ILKAP: variants seen among roughly 807,000 people sequenced by gnomAD.
ILKAP encodes ILK associated serine/threonine phosphatase, also known as integrin-linked kinase-associated serine/threonine phosphatase 2C.
ILKAP carries 11 observed loss-of-function variants against 49.1 expected under a neutral mutation model. The ratio of observed to expected loss-of-function variants is 0.22; its 90% CI spans 0.14 to 0.37. The LOEUF (loss-of-function observed/expected upper bound fraction) is 0.37. Among genes scored for constraint, ILKAP ranks in the 10% least tolerant of loss-of-function variants. The pLI, the probability that ILKAP is intolerant of heterozygous loss-of-function variation, is 1.00. For missense variants in ILKAP, 363 were observed against 510.8 expected (o/e 0.71, Z 2.79); for synonymous variants, 186 against 192.8 (o/e 0.96, Z 0.29).
Position 238,170,702 on chromosome 2 carries a change from G to A in ILKAP, c.1039-26C>T, listed in dbSNP as rs1026143713. On this transcript the variant is annotated intron_variant, in intron 11 of 11. Transcript: ENST00000254654. ...CTACCAGATGAGAAAGGGAATGAGT[G>A]AATGGAGTGACCCCGCACCCTGTCA... 5.0e-6 allele frequency: 8 copies of A among 1,595,258 alleles called. No individual in the cohort carries two copies. The Admixed American group carries it at 6.8e-5, about 13-fold the overall frequency.
chr2:238,194,289 C>T lies in ILKAP; in HGVS notation c.164G>A (p.Ser55Asn). 6.2e-7 allele frequency: 1 copy of T among 1,614,060 alleles called. No individual in the cohort carries two copies. The highest frequency in any genetic ancestry group is 8.5e-7 in the Non-Finnish European group (1 of 1,179,968). ...CTACCACTTACCTGAATCGCCACTG[C>T]TAGCGGGTGGGAGATCATCAAAAAG... Reference protein sequence around the residue: ...PLLFDDLPPASSGDSGSLATS... With the variant: ...PLLFDDLPPANSGDSGSLATS... Residue 55 changes from serine to asparagine, a missense_variant, in exon 3 of 12, where the codon AGC becomes AAC. Ser to Asn is a conservative substitution (Grantham distance 46). This residue lies in a region of ILKAP where 114 missense variants were observed against 116.0 expected (regional missense o/e 0.98). Transcript: ENST00000254654.
At chr2:238,188,468 G>GGTT (rs1693993656) in intron 4 of ILKAP, 2 of 514,670 alleles carry the variant, frequency 3.9e-6, no homozygotes, top group East Asian at 6.8e-5. Flanking sequence ...AGCTCTAAGA[G>GGTT]GTTGCACAGG....
chr2:238,177,793 T>A (rs933001580), intron 9 of ILKAP, among the ~76,000 whole-genome samples: 2 of 152,216 alleles, frequency 1.3e-5, no homozygotes, highest in Non-Finnish European at 2.9e-5. Context: ...GGTATGCAAA[T>A]ATCTGTTCGT....
intron 11 of ILKAP, 122 bp downstream of exon 11, chr2:238,170,821 C>A: frequency 6.8e-7 from 1 of 1,460,344 alleles, no homozygotes; most frequent in East Asian, 2.3e-5. Context: ...AGGCAGAGTT[C>A]ACACTGAAAA....
chr2:238,183,697 C>A lies in ILKAP; in HGVS notation c.670G>T (p.Ala224Ser). 6.2e-7 allele frequency: 1 copy of A among 1,613,396 alleles called. No individual in the cohort carries two copies. The highest frequency in any genetic ancestry group is 8.5e-7 in the Non-Finnish European group (1 of 1,179,864). ...KDGSTATCVL[A>S]VDNILYIANL... is the part of the protein sequence containing the mutation. ...GCAATATAAAGAATGTTGTCTACAGCCAGAACACACGTGGCAGTGGACCCA... is the reference window on the plus strand; with the variant it reads ...GCAATATAAAGAATGTTGTCTACAGACAGAACACACGTGGCAGTGGACCCA... Residue 224 changes from alanine to serine, a missense_variant, in exon 8 of 12, where the codon GCT (alanine) becomes TCT (serine). Around this residue, in one of 3 missense-constraint regions of ILKAP, gnomAD observed 166 missense variants for 307.3 expected, o/e 0.54. Coordinates refer to ENST00000254654, the MANE Select transcript of ILKAP (RefSeq NM_030768.3).
In ILKAP at chr2:238,203,664, G is replaced by A. The variant is rs1193051974; in HGVS notation, c.-111C>T. 21 of 516,970 alleles carry A rather than the reference G, an allele frequency of 4.1e-5. No individual in the cohort carries two copies. The highest frequency in any genetic ancestry group is 2.7e-4 in the African/African-American group (13 of 48,134). The allele number at this position is 516,970 out of a possible 1,614,324, so 32.0% of individuals were successfully genotyped here. ...CAGCGGGCGGGCGACGGGCAGGGGC[G>A]GCCGGCGCCGTCAGTCACCTGCAGG... On this transcript the variant is annotated 5_prime_UTR_variant, in exon 1 of 12. Coordinates refer to ENST00000254654, the MANE Select transcript of ILKAP (RefSeq NM_030768.3).
chr2:238,177,643 G>T (rs554085162), intron 9 of ILKAP, among the ~76,000 whole-genome samples: 24 of 152,036 alleles, frequency 1.6e-4, no homozygotes, highest in Non-Finnish European at 2.5e-4. Flanking sequence ...TTGTAGCATG[G>T]GTCAGAATTT....
intron 3 of ILKAP, among the ~76,000 whole-genome samples, chr2:238,191,574 G>T (rs569785405): frequency 6.6e-6 from 1 of 152,278 alleles, no homozygotes; most frequent in African/African-American, 2.4e-5. Context: ...ATGGGTTCCA[G>T]TTTTCCCCAT....
intron 9 of ILKAP, among the ~76,000 whole-genome samples, chr2:238,180,952 A>G (rs548330862): frequency 6.6e-6 from 1 of 152,392 alleles, no homozygotes; most frequent in South Asian, 2.1e-4. Flanking sequence ...AGTAGTTACC[A>G]GGACAGTAGT....
At chr2:238,172,967 GGT>G (rs1423490601) in intron 10 of ILKAP, among the ~76,000 whole-genome samples, 4 of 152,170 alleles carry the variant, frequency 2.6e-5, no homozygotes, top group African/African-American at 9.7e-5. Flanking sequence ...CAGCCAGCAC[GGT>G]GCCGTACCCT....
intron 10 of ILKAP, among the ~76,000 whole-genome samples, chr2:238,172,682 G>A (rs1693277641): frequency 1.3e-5 from 2 of 152,232 alleles, no homozygotes; most frequent in Admixed American, 6.5e-5. Context: ...AAGCAGGCGA[G>A]TGCCAAAGCA....
intron 3 of ILKAP, among the ~76,000 whole-genome samples, chr2:238,190,684 T>A (rs1323612509): frequency 6.6e-6 from 1 of 152,002 alleles, no homozygotes; most frequent in Non-Finnish European, 1.5e-5. Context: ...AACACATCAA[T>A]CTCCAATAAG....
chr2:238,189,004 G>A (rs956825225), intron 4 of ILKAP, among the ~76,000 whole-genome samples: 17 of 152,204 alleles, frequency 1.1e-4, no homozygotes, highest in Admixed American at 3.3e-4. Context: ...CTGTGACAAA[G>A]GACAATGCAG....
intron 10 of ILKAP, among the ~76,000 whole-genome samples, chr2:238,172,374 T>A (rs1693260642): frequency 6.6e-6 from 1 of 152,190 alleles, no homozygotes; most frequent in Non-Finnish European, 1.5e-5. Flanking sequence ...TTAACTAGGC[T>A]TTCACTCGGC....
chr2:238,173,898 C>G (rs1193404807), intron 9 of ILKAP: 2 of 510,646 alleles, frequency 3.9e-6, no homozygotes, highest in African/African-American at 3.9e-5. Flanking sequence ...CCAGTGGCTG[C>G]CAAGCAGTGC....
chr2:238,196,021 G>C (rs1574807356), intron 1 of ILKAP, among the ~76,000 whole-genome samples: 1 of 116,458 alleles, frequency 8.6e-6, no homozygotes, highest in East Asian at 2.9e-4. Flanking sequence ...TCCAGCCTAG[G>C]CAACACAGTG....
chr2:238,188,318 G>A (rs1693985959), intron 4 of ILKAP, 61 bp from the exon 5 acceptor site: 1 of 1,570,752 alleles, frequency 6.4e-7, no homozygotes, highest in Non-Finnish European at 8.6e-7. Context: ...GGAAACCCTA[G>A]TCCCAGAGCA....
At chr2:238,187,490 T>A (rs1166434671) in intron 5 of ILKAP, among the ~76,000 whole-genome samples, 1 of 152,246 alleles carries the variant, frequency 6.6e-6, no homozygotes, top group East Asian at 1.9e-4. Flanking sequence ...GCCAACTTAA[T>A]GTCCTACCTT....
Position 238,170,454 on chromosome 2 carries a change from T to A in ILKAP, c.*82A>T. On this transcript the variant is annotated 3_prime_UTR_variant, in exon 12 of 12. Transcript: ENST00000254654. ...TACAACCATGGGAGTCCCACAGGAG[T>A]ACACAAAACACACAATGTGCACACA... The A allele has an allele frequency of 1.4e-6, 2 of 1,417,004 alleles. No individual in the cohort carries two copies. The highest frequency in any genetic ancestry group is 1.4e-5 in the South Asian group (1 of 70,000). The allele number at this position is 1,417,004 out of a possible 1,614,324, so 87.8% of individuals were successfully genotyped here.
Sources: allele counts gnomAD v4.1 joint callset (sites outside exome capture counted in the v4.1 genomes callset), GRCh38; gene constraint gnomAD v4.1.1; regional missense constraint gnomAD v4.1.1; transcripts MANE v1.5; gene names NCBI Gene and HGNC (gene_info 2026-07-23, HGNC 2026-07-21).